The following UVRAG variants were observed in gnomAD, a reference collection of about 807,000 sequenced individuals.
UVRAG encodes the protein UV radiation resistance associated.
In UVRAG, 19 loss-of-function variants were observed where a neutral mutation model predicts 78.0. The observed-to-expected ratio is 0.24, with a 90% CI of 0.17 to 0.36. UVRAG has a LOEUF of 0.36. UVRAG is among the 10% of genes least tolerant of loss of function. The probability of loss-of-function intolerance (pLI) is 1.00; values close to 1 mark genes in which losing one functional copy is unlikely to be tolerated. For synonymous variants in UVRAG, 323 were observed against 324.6 expected (o/e 1.00, Z 0.05); for missense variants, 740 against 853.8 (o/e 0.87, Z 1.66).
intron 5 of UVRAG, among the ~76,000 whole-genome samples, chr11:75,907,880 G>A (rs1947652149): frequency 6.6e-6 from 1 of 152,020 alleles, no homozygotes; most frequent in African/African-American, 2.4e-5. Flanking sequence ...TGTTCATGGT[G>A]TATAATCTTT....
intron 1 of UVRAG, among the ~76,000 whole-genome samples, chr11:75,826,476 C>A (rs563430895): frequency 3.5e-5 from 5 of 141,000 alleles, no homozygotes; most frequent in African/African-American, 1.2e-4. Flanking sequence ...TTCACTCGGT[C>A]CTTTGGCAAC....
chr11:75,846,408 T>G (rs1444148735), intron 1 of UVRAG, among the ~76,000 whole-genome samples: 1 of 152,222 alleles, frequency 6.6e-6, no homozygotes, highest in Non-Finnish European at 1.5e-5. Context: ...AAGTCCCATT[T>G]ATCAGTTTCA....
At chr11:75,912,527 A>C (rs1947761954) in intron 6 of UVRAG, among the ~76,000 whole-genome samples, 1 of 152,216 alleles carries the variant, frequency 6.6e-6, no homozygotes, top group African/African-American at 2.4e-5. Context: ...ATATTTTCAT[A>C]ATGTCTGGGC....
intron 12 of UVRAG, among the ~76,000 whole-genome samples, chr11:76,059,751 T>C (rs1290906448): frequency 6.6e-6 from 1 of 152,166 alleles, no homozygotes; most frequent in Non-Finnish European, 1.5e-5. Flanking sequence ...GTGGGTAAAG[T>C]TGAATGCCAC....
chr11:75,928,160 CCA>C (rs1384933699), intron 6 of UVRAG, among the ~76,000 whole-genome samples: 1 of 152,052 alleles, frequency 6.6e-6, no homozygotes, highest in East Asian at 1.9e-4. Context: ...CGGGGTCAAC[CCA>C]CCACAGCTGT....
intron 13 of UVRAG, among the ~76,000 whole-genome samples, chr11:76,108,328 A>G (rs1952007221): frequency 6.6e-6 from 1 of 152,214 alleles, no homozygotes; most frequent in Non-Finnish European, 1.5e-5. Flanking sequence ...GCACTTTGAT[A>G]TTAAATTAAA....
At chr11:76,051,039 C>T (rs533852573) in intron 12 of UVRAG, among the ~76,000 whole-genome samples, 1 of 152,236 alleles carries the variant, frequency 6.6e-6, no homozygotes, top group East Asian at 1.9e-4. Context: ...TACCTGTTAT[C>T]AGCACTGTAT....
chr11:75,904,082 G>GA (rs1947565708), intron 5 of UVRAG, among the ~76,000 whole-genome samples: 1 of 152,140 alleles, frequency 6.6e-6, no homozygotes, highest in Admixed American at 6.5e-5. Flanking sequence ...GAATTTTAAA[G>GA]AAAAAATAAG....
chr11:76,048,075 AC>A, intron 12 of UVRAG, among the ~76,000 whole-genome samples: 1 of 152,350 alleles, frequency 6.6e-6, no homozygotes, highest in South Asian at 2.1e-4. Flanking sequence ...ACAATAAAAA[AC>A]AGTCACCAGC....
intron 1 of UVRAG, among the ~76,000 whole-genome samples, chr11:75,840,522 C>T (rs1202700112): frequency 6.6e-6 from 1 of 152,122 alleles, no homozygotes; most frequent in Non-Finnish European, 1.5e-5. Flanking sequence ...TTCAGAGTCG[C>T]AGTTTGTTTT....
chr11:76,066,335 CTA>C (rs1350243858), intron 13 of UVRAG, among the ~76,000 whole-genome samples: 2 of 152,116 alleles, frequency 1.3e-5, no homozygotes, highest in Admixed American at 6.5e-5. Flanking sequence ...CGTAGTAAGA[CTA>C]TCAGATGCCT....
At chr11:76,048,211 G>T (rs928247252) in intron 12 of UVRAG, among the ~76,000 whole-genome samples, 3 of 152,174 alleles carry the variant, frequency 2.0e-5, no homozygotes, top group African/African-American at 7.2e-5. Flanking sequence ...GAGCAAATGT[G>T]GGCCCTGAAG....
At chr11:75,901,444 CAT>C (rs754598941) in intron 5 of UVRAG, among the ~76,000 whole-genome samples, 67 of 152,300 alleles carry the variant, frequency 4.4e-4, no homozygotes, top group African/African-American at 1.5e-3. Flanking sequence ...TGTATCTAAA[CAT>C]GTGTCAAATT....
chr11:75,822,208 T>G lies in UVRAG; in HGVS notation c.117+6684T>G, dbSNP rs984362112. On this transcript the variant is annotated intron_variant, in intron 1 of 14. Coordinates refer to ENST00000356136, the MANE Select transcript of UVRAG (RefSeq NM_003369.4). ...ATCCACCCACCTTGGCCTCCCAAAG[T>G]GCTGGTATTACAGGCATGAGCCACC... Among the ~76,000 whole-genome samples, 100 of 152,176 alleles carry G rather than the reference T, an allele frequency of 6.6e-4. 1 individual carries two copies. Among genetic ancestry groups the G allele is most frequent in the Admixed American group, 6.5e-3 (100 of 15,278 alleles).
intron 12 of UVRAG, among the ~76,000 whole-genome samples, chr11:76,023,143 A>ATTACCT (rs1950275911): frequency 2.0e-5 from 3 of 152,026 alleles, no homozygotes; most frequent in Admixed American, 6.6e-5. Flanking sequence ...TACATATGTA[A>ATTACCT]TTACCTTTTC....
rs576576148 is a variant in UVRAG at position 76,125,608 on chromosome 11, G to A, written c.1397+9593G>A. ...ACTAACCCTCCACTGGTGACAGAAA[G>A]GCACTTGGGTATCCCGGCGCCGCCT... On this transcript the variant is annotated intron_variant, in intron 14 of 14. Coordinates refer to ENST00000356136, the MANE Select transcript of UVRAG (RefSeq NM_003369.4). Among the ~76,000 whole-genome samples the A allele has an allele frequency of 3.3e-5, 5 of 152,332 alleles. No individual in the cohort carries two copies. The East Asian group carries it at 7.7e-4, about 23-fold the overall frequency.
At chr11:75,969,529 C>T (rs1949086524) in intron 7 of UVRAG, among the ~76,000 whole-genome samples, 1 of 152,092 alleles carries the variant, frequency 6.6e-6, no homozygotes, top group African/African-American at 2.4e-5. Flanking sequence ...ATTTCTCATT[C>T]ATCTAGAAGC....
chr11:76,139,840 A>G (rs187511373), intron 14 of UVRAG, among the ~76,000 whole-genome samples: 82 of 152,260 alleles, frequency 5.4e-4, no homozygotes, highest in East Asian at 2.1e-3. Context: ...TAAAGTTTGT[A>G]TAACTGAACA....
intron 6 of UVRAG, among the ~76,000 whole-genome samples, chr11:75,928,500 C>T (rs1199846043): frequency 1.3e-5 from 2 of 152,016 alleles, no homozygotes; most frequent in African/African-American, 2.4e-5. Context: ...CATGGTGGCT[C>T]ACGCCTGTAA....
Sources: gnomAD v4.1 joint callset for allele counts (sites outside exome capture counted in the v4.1 genomes callset) on GRCh38, gnomAD v4.1.1 for gene constraint, MANE v1.5 for transcripts, NCBI Gene and HGNC (gene_info 2026-07-23, HGNC 2026-07-21) for gene names.